ODAD2: variants seen among roughly 807,000 people sequenced by gnomAD.
ODAD2 encodes outer dynein arm-docking complex subunit 2.
Under a neutral mutation model 106.8 loss-of-function variants are expected in ODAD2, and 89 were observed. The ratio of observed to expected loss-of-function variants is 0.83; its 90% CI spans 0.70 to 0.99. The LOEUF (loss-of-function observed/expected upper bound fraction) is 0.99, where lower values mean the gene tolerates loss of function less well. Ranked by LOEUF, ODAD2 falls within the 50% of genes least tolerant of loss-of-function variation. The probability of loss-of-function intolerance (pLI) is 0.00; values close to 1 mark genes in which losing one functional copy is unlikely to be tolerated. For synonymous variants in ODAD2, 404 were observed against 436.2 expected (o/e 0.93, Z 0.92); for missense variants, 1,168 against 1,238.5 (o/e 0.94, Z 0.85).
At chr10:27,915,214 A>G (rs1844276636) in intron 16 of ODAD2, among the ~76,000 whole-genome samples, 1 of 152,048 alleles carries the variant, frequency 6.6e-6, no homozygotes, top group Non-Finnish European at 1.5e-5. Context: ...GCAACCAAAG[A>G]AAAAAAATGC....
chr10:27,820,207 C>T (rs980082444), intron 19 of ODAD2, among the ~76,000 whole-genome samples: 1 of 152,136 alleles, frequency 6.6e-6, no homozygotes, highest in Non-Finnish European at 1.5e-5. Context: ...CCAGGCTCCA[C>T]ATGCCACTGG....
At chr10:27,999,616 T>G (rs189599644), upstream of ODAD2, among the ~76,000 whole-genome samples, 713 of 148,744 alleles carry the variant, frequency 4.8e-3, 13 homozygotes, top group African/African-American at 0.017. Context: ...CTAGACACCC[T>G]ACCAGCAAGA....
At chr10:27,863,975 T>C (rs1379039889) in intron 17 of ODAD2, among the ~76,000 whole-genome samples, 1 of 152,078 alleles carries the variant, frequency 6.6e-6, no homozygotes. Context: ...TTTAAGGGCA[T>C]TGGAAAGCCC....
At chr10:27,922,457 A>C (rs920717285) in intron 16 of ODAD2, among the ~76,000 whole-genome samples, 11 of 152,182 alleles carry the variant, frequency 7.2e-5, no homozygotes, top group Non-Finnish European at 1.2e-4. Context: ...ATGGTGGAAT[A>C]ATAATGTTTG....
At chr10:27,904,889 C>T (rs1463064950) in intron 17 of ODAD2, 1 of 152,192 alleles carries the variant, frequency 6.6e-6, no homozygotes, top group Non-Finnish European at 1.5e-5. Context: ...GGGATGTCTT[C>T]CCACTCAAAA....
intron 1 of ODAD2, chr10:27,997,357 G>A (rs145266660): frequency 1.4e-4 from 21 of 152,218 alleles, no homozygotes; most frequent in African/African-American, 5.1e-4. Context: ...AAAGGCTTAG[G>A]TGAAAGTTCT....
upstream of ODAD2, chr10:27,999,090 C>G (rs1197828363): frequency 6.6e-6 from 1 of 152,444 alleles, no homozygotes; most frequent in East Asian, 1.9e-4. Context: ...GGGTTCCACC[C>G]GCCCCGGCCA....
chr10:27,882,201 G>T (rs1184762444), intron 17 of ODAD2, among the ~76,000 whole-genome samples: 5 of 150,430 alleles, frequency 3.3e-5, no homozygotes, highest in African/African-American at 1.2e-4. Context: ...AAGAAAGAAA[G>T]AAAGAAAGAA....
intron 17 of ODAD2, among the ~76,000 whole-genome samples, chr10:27,879,002 T>A (rs1033367468): frequency 6.6e-6 from 1 of 152,102 alleles, no homozygotes; most frequent in African/African-American, 2.4e-5. Context: ...AATGATACAA[T>A]CGTTATAGTC....
At chr10:27,910,797 C>G (rs1182737807) in intron 16 of ODAD2, among the ~76,000 whole-genome samples, 6 of 151,846 alleles carry the variant, frequency 4.0e-5, no homozygotes, top group Admixed American at 3.3e-4. Flanking sequence ...AAAACAGATA[C>G]AGTCAATTCT....
At chr10:27,814,621 T>C in intron 19 of ODAD2, among the ~76,000 whole-genome samples, 1 of 152,186 alleles carries the variant, frequency 6.6e-6, no homozygotes, top group East Asian at 1.9e-4. Context: ...TATGCAACCA[T>C]CTTACTTGTT....
intron 7 of ODAD2, among the ~76,000 whole-genome samples, chr10:27,972,173 G>A (rs1386692808): frequency 1.3e-5 from 2 of 152,126 alleles, no homozygotes; most frequent in Non-Finnish European, 2.9e-5. Context: ...GTATATTGTT[G>A]TAAGTTTCTT....
chr10:27,853,506 C>G (rs1027090733), intron 19 of ODAD2: 5 of 161,180 alleles, frequency 3.1e-5, no homozygotes, highest in African/African-American at 1.2e-4. Flanking sequence ...TATTAGTACC[C>G]TCTCAAAAAA....
In ODAD2 at chr10:27,944,944, T is replaced by C; in HGVS notation, c.1405A>G (p.Thr469Ala). 6.2e-7 allele frequency: 1 copy of C among 1,614,138 alleles called. No individual in the cohort carries two copies. The highest frequency in any genetic ancestry group is 8.5e-7 in the Non-Finnish European group (1 of 1,179,984). The stretch of plus-strand genomic sequence containing the variant: ...CTCATTGAACACAACGCAATCACTG[T>C]AGCTGTTTGATTTCCTCCCTACAAA... ...KYLKGGNQTA[T>A]VIALCSMRDF... is the part of the protein sequence containing the mutation. Residue 469 changes from threonine (T) to alanine (A), a missense_variant, in exon 11 of 20, where the codon ACA (threonine) becomes GCA (alanine). Transcript: ENST00000305242.
intron 7 of ODAD2, among the ~76,000 whole-genome samples, chr10:27,972,239 A>G (rs1430100918): frequency 6.6e-6 from 1 of 152,186 alleles, no homozygotes; most frequent in African/African-American, 2.4e-5. Flanking sequence ...AATTTGAGAT[A>G]TATATCATAA....
intron 2 of ODAD2, among the ~76,000 whole-genome samples, chr10:27,993,935 G>A (rs1160727197): frequency 6.7e-5 from 10 of 150,244 alleles, no homozygotes; most frequent in African/African-American, 2.5e-4. Flanking sequence ...AATGCCTAAG[G>A]TGCAAAATAA....
intron 10 of ODAD2, among the ~76,000 whole-genome samples, chr10:27,950,443 A>C (rs1261761856): frequency 6.6e-6 from 1 of 152,216 alleles, no homozygotes; most frequent in Non-Finnish European, 1.5e-5. Context: ...CTGAGGAGAA[A>C]GAGAGAATAC....
At chr10:27,987,337 C>A (rs752041055) in intron 3 of ODAD2, 49 bp downstream of exon 3, 11 of 1,565,512 alleles carry the variant, frequency 7.0e-6, no homozygotes, top group South Asian at 5.9e-5. Context: ...ACTTTCCCAG[C>A]AAGATTGTTT....
intron 10 of ODAD2, among the ~76,000 whole-genome samples, chr10:27,946,656 A>G (rs879825248): frequency 3.9e-5 from 6 of 152,148 alleles, no homozygotes; most frequent in Admixed American, 3.9e-4. Flanking sequence ...TGTACCTCTT[A>G]ACCAATTTAT....
Sources: allele counts gnomAD v4.1 joint callset (sites outside exome capture counted in the v4.1 genomes callset), GRCh38; gene constraint gnomAD v4.1.1; transcripts MANE v1.5; gene names NCBI Gene and HGNC (gene_info 2026-07-23, HGNC 2026-07-21).